The following EXPH5 variants were observed in gnomAD, a reference collection of about 807,000 sequenced individuals.
EXPH5 encodes the protein exophilin-5.
A neutral mutation model predicts 41.1 loss-of-function variants in EXPH5; 42 were observed. The observed-to-expected ratio is 1.02, with a 90% CI of 0.80 to 1.32. EXPH5 has a LOEUF of 1.32. Ranked by LOEUF, EXPH5 falls within the 40% of genes most tolerant of loss-of-function variation. The pLI, the probability that EXPH5 is intolerant of heterozygous loss-of-function variation, is 0.00. For missense variants in EXPH5, 2,298 were observed against 2,314.5 expected, an observed-to-expected ratio of 0.99 and a Z score of 0.15; for synonymous variants, 798 against 833.5, an observed-to-expected ratio of 0.96 and a Z score of 0.73.
At chr11:108,534,933 A>T (rs2093869598) in intron 3 of EXPH5, among the ~76,000 whole-genome samples, 2 of 152,210 alleles carry the variant, frequency 1.3e-5, no homozygotes, top group African/African-American at 4.8e-5. Flanking sequence ...ATGCAGCAAT[A>T]TGGTGTTCCC....
At chr11:108,545,913 C>A (rs893843028) in intron 1 of EXPH5, among the ~76,000 whole-genome samples, 3 of 137,384 alleles carry the variant, frequency 2.2e-5, no homozygotes, top group East Asian at 2.0e-4. Context: ...AAAAAAAAAA[C>A]AACAGTAAAT....
chr11:108,530,714 G>C (rs531416728), intron 3 of EXPH5, among the ~76,000 whole-genome samples: 1 of 152,334 alleles, frequency 6.6e-6, no homozygotes, highest in East Asian at 1.9e-4. Flanking sequence ...GCAGGAGCAG[G>C]TTTCTGAGAA....
intron 1 of EXPH5, among the ~76,000 whole-genome samples, chr11:108,570,802 T>C (rs2094056900): frequency 6.6e-6 from 1 of 152,198 alleles, no homozygotes; most frequent in Admixed American, 6.5e-5. Flanking sequence ...TACCTTGACC[T>C]CCCAAAGTGT....
rs767217181 is a variant in EXPH5 at position 108,513,848 on chromosome 11, A to C, written c.1659T>G (p.Phe553Leu). Residue 553 changes from phenylalanine (F) to leucine (L), a missense_variant, in exon 6 of 6, where the codon TTT becomes TTG. Phe to Leu is a conservative substitution (Grantham distance 22, BLOSUM62 0). Coordinates refer to ENST00000265843, the MANE Select transcript of EXPH5 (RefSeq NM_015065.3). The part of the protein sequence containing the change: ...RGQEEPHPWQ[F>L]DFQRSTLDSM... ...TATCCAGTGTGGATCTCTGAAAATC[A>C]AACTGCCAAGGATGTGGCTCTTCTT... 3.2e-6 allele frequency: 5 copies of C among 1,585,254 alleles called. No individual in the cohort carries two copies. The African/African-American group carries it at 5.5e-5, about 17-fold the overall frequency.
At chr11:108,564,055 G>A (rs1279754923) in intron 1 of EXPH5, among the ~76,000 whole-genome samples, 4 of 152,188 alleles carry the variant, frequency 2.6e-5, no homozygotes, top group Middle Eastern at 6.8e-3. Flanking sequence ...TGAGGCGGAC[G>A]GATCACTTGA....
rs773368892 is a variant in EXPH5 at position 108,510,577 on chromosome 11, G to T, written c.4930C>A (p.Pro1644Thr). 198 of 1,613,938 alleles carry T rather than the reference G, an allele frequency of 1.2e-4. No homozygotes were observed. Among genetic ancestry groups the T allele is most frequent in the Middle Eastern group, 9.9e-4 (6 of 6,084 alleles). The change falls in exon 6 of 6, where the codon CCT becomes ACT. Residue 1644 changes from proline to threonine, a missense_variant. Coordinates refer to ENST00000265843, the MANE Select transcript of EXPH5 (RefSeq NM_015065.3). The stretch of plus-strand genomic sequence containing the variant: ...TCTGCAGATTTTGGAGTAGGCTCAG[G>T]GAACAGTGGGTTGCACTCCACTGTG... ...LGTVECNPLFPEPTPKSAESI... is the reference protein window; with the variant it reads ...LGTVECNPLFTEPTPKSAESI...
In EXPH5 at chr11:108,514,703, A is replaced by G; in HGVS notation, c.804T>C (p.Asn268=). The G allele has an allele frequency of 6.2e-7, 1 of 1,606,534 alleles. No individual in the cohort carries two copies. The highest frequency in any genetic ancestry group is 8.5e-7 in the Non-Finnish European group (1 of 1,177,558). Residue 268 remains asparagine (N), a synonymous_variant, in exon 6 of 6, where the codon AAT becomes AAC. Coordinates refer to ENST00000265843, the MANE Select transcript of EXPH5 (RefSeq NM_015065.3). ...GTCTTAGGATGTCATAGATAGACATATTGGAAGTTTCATTATAGTGTTTTT... is the reference window on the plus strand; with the variant it reads ...GTCTTAGGATGTCATAGATAGACATGTTGGAAGTTTCATTATAGTGTTTTT... ...RHKKHYNETS[N]MSIYDILRPG... is the part of the protein sequence containing the mutation.
intron 5 of EXPH5, among the ~76,000 whole-genome samples, chr11:108,517,005 T>G (rs527611697): frequency 3.3e-5 from 5 of 152,368 alleles, no homozygotes; most frequent in Admixed American, 3.3e-4. Context: ...GTTTATGTTT[T>G]TCTTTCCCCT....
chr11:108,579,718 G>A (rs1304109267), intron 1 of EXPH5, among the ~76,000 whole-genome samples: 10 of 152,132 alleles, frequency 6.6e-5, no homozygotes, highest in Non-Finnish European at 1.3e-4. Context: ...CACTGAAACT[G>A]CTGTGAATTT....
chr11:108,535,661 T>C (rs373526793), intron 3 of EXPH5, among the ~76,000 whole-genome samples: 2 of 152,322 alleles, frequency 1.3e-5, no homozygotes, highest in African/African-American at 4.8e-5. Context: ...AAATAGAATT[T>C]GACCTTTTTA....
At position 108,513,219 on chromosome 11, in the gene EXPH5, A is replaced by T. The variant is rs770529109; in HGVS notation, c.2288T>A (p.Ile763Lys). The change falls in exon 6 of 6, where the codon ATA (isoleucine) becomes AAA (lysine). Residue 763 changes from isoleucine (I) to lysine (K), a missense_variant. By Grantham distance (102) the Ile-to-Lys change is moderately radical (BLOSUM62 -3). Coordinates refer to ENST00000265843, the MANE Select transcript of EXPH5 (RefSeq NM_015065.3). ...SNGFGFNAST[I>K]ISSKKSPRVF... ...TCTGGGTGACTTTTTTGAACTTATT[A>T]TGGTAGATGCATTAAAACCAAACCC... is the stretch of plus-strand genomic sequence containing the variant. The T allele has an allele frequency of 6.2e-7, 1 of 1,613,700 alleles. No homozygotes were observed. Among genetic ancestry groups the T allele is most frequent in the Admixed American group, 1.7e-5 (1 of 59,940 alleles).
chr11:108,509,721 G>C lies in EXPH5; in HGVS notation c.5786C>G (p.Pro1929Arg), dbSNP rs770654015. The change falls in exon 6 of 6, where the codon CCT (proline) becomes CGT (arginine). Residue 1929 changes from proline (P) to arginine (R), a missense_variant. Pro to Arg is a moderately radical substitution (Grantham distance 103). Transcript: ENST00000265843. Reference sequence around the variant, plus strand: ...GCTTAATGACTCTGAGGGGTTGGGAGGGTTCCTCAAATCATCTTTTAGGAA... The same window carrying C: ...GCTTAATGACTCTGAGGGGTTGGGACGGTTCCTCAAATCATCTTTTAGGAA... Reference protein sequence around the residue: ...PGFLKDDLRNPPNPSESLSSN... With the variant: ...PGFLKDDLRNRPNPSESLSSN... 6.2e-7 allele frequency: 1 copy of C among 1,609,350 alleles called. No individual in the cohort carries two copies. Among genetic ancestry groups the C allele is most frequent in the Non-Finnish European group, 8.5e-7 (1 of 1,178,580 alleles).
intron 1 of EXPH5, among the ~76,000 whole-genome samples, chr11:108,572,593 T>C (rs2094064399): frequency 6.7e-6 from 1 of 149,772 alleles, no homozygotes; most frequent in African/African-American, 2.6e-5. Context: ...AGTTTTCCTC[T>C]TGTTGCCCAA....
intron 1 of EXPH5, among the ~76,000 whole-genome samples, chr11:108,550,672 G>A (rs373333630): frequency 6.4e-4 from 97 of 152,136 alleles, no homozygotes; most frequent in African/African-American, 2.2e-3. Flanking sequence ...CCAGCTACTC[G>A]GGAGGCTGAG....
chr11:108,530,184 A>G (rs910308278), intron 3 of EXPH5, among the ~76,000 whole-genome samples: 32 of 152,188 alleles, frequency 2.1e-4, no homozygotes, highest in African/African-American at 2.4e-5. Flanking sequence ...TACTAATAAT[A>G]TCTAGGAGTT....
In EXPH5 at chr11:108,541,776, A is replaced by C. The variant is rs775876858; in HGVS notation, c.156T>G (p.Leu52=). The C allele has an allele frequency of 3.1e-6, 5 of 1,611,302 alleles. No homozygotes were observed. Among genetic ancestry groups the C allele is most frequent in the Admixed American group, 1.7e-5 (1 of 59,578 alleles). ...LQKTKRDIRW[L]QGVTGEWFEE... ...CAAACCATTCACCAGTCACTCCCTG[A>C]AGCCATCTGATATCCCTCTTTGTCT... Residue 52 remains leucine, a synonymous_variant, in exon 2 of 6, where the codon CTT becomes CTG. Coordinates refer to ENST00000265843, the MANE Select transcript of EXPH5 (RefSeq NM_015065.3).
chr11:108,514,163 C>T lies in EXPH5; in HGVS notation c.1344G>A (p.Met448Ile), dbSNP rs774275836. 3.7e-6 allele frequency: 6 copies of T among 1,613,976 alleles called. No homozygotes were observed. The highest frequency in any genetic ancestry group is 2.2e-5 in the East Asian group (1 of 44,890). ...ATGTGTTGCTTTGATGGTAGAATGG[C>T]ATGTTCTCTGAGTTCTCAAAAGTGT... ...SPDTFENSENMPFYHQSNTFT... is the reference protein window; with the variant it reads ...SPDTFENSENIPFYHQSNTFT... Residue 448 changes from methionine (M) to isoleucine (I), a missense_variant, in exon 6 of 6, where the codon ATG becomes ATA. Coordinates refer to ENST00000265843, the MANE Select transcript of EXPH5 (RefSeq NM_015065.3).
In EXPH5 at chr11:108,587,508, G is replaced by A. The variant is rs140187864; in HGVS notation, c.119+5910C>T. On this transcript the variant is annotated intron_variant, in intron 1 of 5. Coordinates refer to ENST00000265843, the MANE Select transcript of EXPH5 (RefSeq NM_015065.3). ...TCCCTGAAATAATCCTTGACCACAAGGAATCAAGGTTGATGTACAACTTAC... is the reference window on the plus strand; with the variant it reads ...TCCCTGAAATAATCCTTGACCACAAAGAATCAAGGTTGATGTACAACTTAC... 2.4e-3 allele frequency among the ~76,000 whole-genome samples: 372 copies of A among 152,214 alleles called. 1 individual carries two copies. Among genetic ancestry groups the A allele is most frequent in the African/African-American group, 8.4e-3 (349 of 41,546 alleles).
chr11:108,557,920 T>C (rs1156313351), intron 1 of EXPH5, among the ~76,000 whole-genome samples: 1 of 152,140 alleles, frequency 6.6e-6, no homozygotes, highest in African/African-American at 2.4e-5. Flanking sequence ...AACTAGAGGC[T>C]ATCAAGGATG....
Sources: gnomAD v4.1 joint callset for allele counts (sites outside exome capture counted in the v4.1 genomes callset) on GRCh38, gnomAD v4.1.1 for gene constraint, MANE v1.5 for transcripts, NCBI Gene and HGNC (gene_info 2026-07-23, HGNC 2026-07-21) for gene names.